SH3RF3: variants seen among roughly 807,000 people sequenced by gnomAD.
The protein encoded by SH3RF3 is E3 ubiquitin-protein ligase SH3RF3.
In SH3RF3, 29 loss-of-function variants were observed where a neutral mutation model predicts 66.3. That is an observed-to-expected ratio of 0.44 (90% confidence interval 0.33 to 0.60). SH3RF3 has a LOEUF of 0.60. Ranked by LOEUF, SH3RF3 falls within the 20% of genes least tolerant of loss-of-function variation. SH3RF3 has a pLI of 0.04. For synonymous variants in SH3RF3, 583 were observed against 532.0 expected (o/e 1.10, Z -1.32); for missense variants, 1,194 against 1,190.9 (o/e 1.00, Z -0.04).
At chr2:109,199,642 T>TCAAC (rs1678610776) in intron 1 of SH3RF3, among the ~76,000 whole-genome samples, 1 of 24 alleles carries the variant, frequency 0.042, no homozygotes, top group Admixed American at 0.12. Context: ...TGGAATGGAA[T>TCAAC]GGAATGGAAT....
chr2:109,187,250 A>G (rs1036863284), intron 1 of SH3RF3, among the ~76,000 whole-genome samples: 8 of 152,234 alleles, frequency 5.3e-5, no homozygotes, highest in Admixed American at 6.5e-5. Context: ...TGAAATTCCT[A>G]TAATTGCACA....
intron 8 of SH3RF3, among the ~76,000 whole-genome samples, chr2:109,466,917 A>G (rs112885642): frequency 0.016 from 2,466 of 151,864 alleles, 70 homozygotes; most frequent in African/African-American, 0.057. Flanking sequence ...GTGTGTCTAT[A>G]TGTGTATGTA....
intron 1 of SH3RF3, among the ~76,000 whole-genome samples, chr2:109,138,818 A>G (rs77400936): frequency 0.04 from 6,147 of 152,312 alleles, 365 homozygotes; most frequent in African/African-American, 0.14. Context: ...AATTCAGTCC[A>G]CACATATGTA....
intron 1 of SH3RF3, among the ~76,000 whole-genome samples, chr2:109,288,868 G>A (rs929067983): frequency 6.6e-6 from 1 of 152,064 alleles, no homozygotes; most frequent in Non-Finnish European, 1.5e-5. Context: ...AAAACAGATG[G>A]GTGTTCCGTA....
chr2:109,292,018 C>T (rs925727234), intron 1 of SH3RF3, among the ~76,000 whole-genome samples: 1 of 152,156 alleles, frequency 6.6e-6, no homozygotes, highest in Non-Finnish European at 1.5e-5. Flanking sequence ...CGCACGCCAC[C>T]ACGCCCAGCT....
Position 109,188,226 on chromosome 2 carries a change from T to C in SH3RF3, c.573+58113T>C, listed in dbSNP as rs577972985. Among the ~76,000 whole-genome samples the C allele has an allele frequency of 5.3e-4, 80 of 152,362 alleles. 1 individual carries two copies. Among genetic ancestry groups the C allele is most frequent in the African/African-American group, 1.8e-3 (73 of 41,592 alleles). The stretch of plus-strand genomic sequence containing the variant: ...GCTTTCCTGCTGCAGCTTTGCCATG[T>C]AGCAGGGGTGCCTCTGAAAACTCCA... On this transcript the variant is annotated intron_variant, in intron 1 of 9. Coordinates refer to ENST00000309415, the MANE Select transcript of SH3RF3 (RefSeq NM_001099289.3).
intron 8 of SH3RF3, among the ~76,000 whole-genome samples, chr2:109,463,137 T>C (rs1203325410): frequency 6.6e-6 from 1 of 152,206 alleles, no homozygotes; most frequent in Admixed American, 6.5e-5. Context: ...GGGTTGTGAC[T>C]CTGTTTTGTG....
intron 1 of SH3RF3, among the ~76,000 whole-genome samples, chr2:109,250,456 A>G (rs532309311): frequency 3.9e-4 from 60 of 152,106 alleles, no homozygotes; most frequent in Non-Finnish European, 6.9e-4. Flanking sequence ...ATATACTCGG[A>G]AAACTTACCA....
intron 1 of SH3RF3, among the ~76,000 whole-genome samples, chr2:109,293,738 A>G (rs1311548657): frequency 6.6e-6 from 1 of 152,130 alleles, no homozygotes; most frequent in Admixed American, 6.5e-5. Context: ...TCCCTGAATC[A>G]CCTGCTCAAA....
At chr2:109,169,735 A>G (rs1057034361) in intron 1 of SH3RF3, among the ~76,000 whole-genome samples, 1 of 144,274 alleles carries the variant, frequency 6.9e-6, no homozygotes, top group East Asian at 2.1e-4. Flanking sequence ...ACCAAAATAC[A>G]TATGTATAAA....
At chr2:109,251,374 T>A in intron 1 of SH3RF3, 1 of 641,356 alleles carries the variant, frequency 1.6e-6, no homozygotes, top group Non-Finnish European at 2.9e-6. Flanking sequence ...CATGAGGGAG[T>A]CTGTGCATTC....
intron 1 of SH3RF3, among the ~76,000 whole-genome samples, chr2:109,177,411 TG>T (rs1469801161): frequency 1.3e-5 from 2 of 152,224 alleles, no homozygotes; most frequent in Non-Finnish European, 2.9e-5. Context: ...TGAAATAGTC[TG>T]GGGCAGAGAT....
chr2:109,458,572 C>CCGAGAGAGAGAGAGAGAGAGAGAGAG (rs1678122402), intron 8 of SH3RF3, among the ~76,000 whole-genome samples: 1 of 122,978 alleles, frequency 8.1e-6, no homozygotes, highest in Non-Finnish European at 1.8e-5. Context: ...CAGCAGGAGA[C>CCGAGAGAGAGAGAGAGAGAGAGAGAG]AGAGAGAGAG....
intron 1 of SH3RF3, among the ~76,000 whole-genome samples, chr2:109,250,849 T>C (rs1418216206): frequency 6.6e-6 from 1 of 152,054 alleles, no homozygotes; most frequent in Non-Finnish European, 1.5e-5. Context: ...CCAGTGCTGT[T>C]TAGGTAGAAC....
intron 1 of SH3RF3, among the ~76,000 whole-genome samples, chr2:109,254,197 T>C (rs1680165470): frequency 6.6e-6 from 1 of 152,202 alleles, no homozygotes; most frequent in Non-Finnish European, 1.5e-5. Context: ...TAGCATTTTA[T>C]AGACTTCTTC....
intron 1 of SH3RF3, among the ~76,000 whole-genome samples, chr2:109,281,298 G>A (rs1014936830): frequency 8.5e-5 from 13 of 152,328 alleles, no homozygotes; most frequent in African/African-American, 3.1e-4. Context: ...AGCACCCTCA[G>A]ACCCCTCTTG....
chr2:109,331,874 A>C (rs1223677830), intron 1 of SH3RF3, among the ~76,000 whole-genome samples: 1 of 152,092 alleles, frequency 6.6e-6, no homozygotes, highest in African/African-American at 2.4e-5. Flanking sequence ...CTGAGGAGAG[A>C]CCTCTCACCA....
At position 109,459,068 on chromosome 2, in the gene SH3RF3, G is replaced by A. The variant is rs557668922; in HGVS notation, c.2148+9579G>A. 1.1e-4 allele frequency among the ~76,000 whole-genome samples: 16 copies of A among 152,138 alleles called. 1 individual carries two copies. The South Asian group carries it at 1.5e-3, about 14-fold the overall frequency. ...GCCTGACTACACCAAGAGTGCATGCGCCCTTCCCAGAAGAGGATTCAGAGT... is the reference window on the plus strand; with the variant it reads ...GCCTGACTACACCAAGAGTGCATGCACCCTTCCCAGAAGAGGATTCAGAGT... On this transcript the variant is annotated intron_variant, in intron 8 of 9. Transcript: ENST00000309415.
chr2:109,450,306 A>C (rs922400423), intron 8 of SH3RF3, among the ~76,000 whole-genome samples: 1 of 152,040 alleles, frequency 6.6e-6, no homozygotes, highest in African/African-American at 2.4e-5. Context: ...AGATTGTGCC[A>C]CTGCACTCCA....
Sources: allele counts gnomAD v4.1 joint callset (sites outside exome capture counted in the v4.1 genomes callset), GRCh38; gene constraint gnomAD v4.1.1; transcripts MANE v1.5; gene names NCBI Gene and HGNC (gene_info 2026-07-23, HGNC 2026-07-21).